The following ITGA9 variants were observed in gnomAD, a reference collection of about 807,000 sequenced individuals.
ITGA9 encodes integrin subunit alpha 9.
ITGA9 carries 56 observed loss-of-function variants against 127.8 expected under a neutral mutation model. That is an observed-to-expected ratio of 0.44 (90% CI 0.35 to 0.55). ITGA9 has a LOEUF of 0.55. Among genes scored for constraint, ITGA9 ranks in the 20% least tolerant of loss-of-function variants. The probability of loss-of-function intolerance (pLI) is 0.00; values close to 1 mark genes in which losing one functional copy is unlikely to be tolerated. For missense variants in ITGA9, 1,196 were observed against 1,347.1 expected, an observed-to-expected ratio of 0.89 and a Z score of 1.76; for synonymous variants, 508 against 514.5, an observed-to-expected ratio of 0.99 and a Z score of 0.17.
rs747519988 is a variant in ITGA9 at position 37,526,071 on chromosome 3, G to A, written c.1373G>A (p.Arg458Lys). ...AFMSDSVVLL[R>K]ARPVITVDVS... ...ATGTCCGACAGCGTGGTTCTTCTCA[G>A]GTGAGAGGCCCCACTCTTGCTCCTT... is the stretch of plus-strand genomic sequence containing the variant. The change falls in exon 13 of 28, where the codon AGA (arginine) becomes AAA (lysine). Residue 458 changes from arginine (R) to lysine (K), a missense_variant and splice_region_variant. By Grantham distance (26) the Arg-to-Lys change is conservative. Coordinates refer to ENST00000264741, the MANE Select transcript of ITGA9 (RefSeq NM_002207.3). 4 of 1,613,546 alleles carry A rather than the reference G, an allele frequency of 2.5e-6. No homozygotes were observed. The South Asian group carries it at 4.4e-5, about 18-fold the overall frequency.
intron 1 of ITGA9, among the ~76,000 whole-genome samples, chr3:37,456,617 T>G (rs1390938007): frequency 6.6e-6 from 1 of 152,092 alleles, no homozygotes; most frequent in South Asian, 2.1e-4. Context: ...TGCTTCCTGC[T>G]CCCTCTCCTG....
chr3:37,569,483 G>A (rs1470876522), intron 15 of ITGA9, among the ~76,000 whole-genome samples: 1 of 152,204 alleles, frequency 6.6e-6, no homozygotes, highest in Non-Finnish European at 1.5e-5. Context: ...TGGCCTTTAT[G>A]TGTAAAGGAG....
intron 13 of ITGA9, among the ~76,000 whole-genome samples, chr3:37,532,364 G>A (rs554539244): frequency 6.6e-6 from 1 of 152,142 alleles, no homozygotes; most frequent in Non-Finnish European, 1.5e-5. Flanking sequence ...ATTCCCATCC[G>A]CCCTATCACC....
At chr3:37,758,074 A>G (rs1696675835) in intron 23 of ITGA9, among the ~76,000 whole-genome samples, 1 of 151,592 alleles carries the variant, frequency 6.6e-6, no homozygotes, top group African/African-American at 2.4e-5. Flanking sequence ...CTGTAATCCC[A>G]GCACTTTGGG....
intron 15 of ITGA9, among the ~76,000 whole-genome samples, chr3:37,574,355 G>A (rs1190738341): frequency 6.6e-6 from 1 of 152,206 alleles, no homozygotes. Context: ...TCCAGGTTAA[G>A]TAGAGAGTAA....
intron 15 of ITGA9, among the ~76,000 whole-genome samples, chr3:37,615,289 A>G (rs1177081316): frequency 6.6e-6 from 1 of 152,154 alleles, no homozygotes; most frequent in Non-Finnish European, 1.5e-5. Context: ...CGTATGTTGA[A>G]CCAGCCTTGC....
At chr3:37,762,791 C>T (rs145979295) in intron 23 of ITGA9, among the ~76,000 whole-genome samples, 6 of 152,316 alleles carry the variant, frequency 3.9e-5, no homozygotes, top group Admixed American at 6.5e-5. Context: ...TGTCTGGGTG[C>T]GTAGCTGTCC....
intron 23 of ITGA9, among the ~76,000 whole-genome samples, chr3:37,759,872 C>G (rs1053174523): frequency 2.7e-5 from 4 of 149,110 alleles, no homozygotes; most frequent in Non-Finnish European, 5.9e-5. Flanking sequence ...CCACTGCACT[C>G]CAGCCTGAAT....
At chr3:37,770,326 A>T (rs965629320) in intron 23 of ITGA9, among the ~76,000 whole-genome samples, 8 of 152,146 alleles carry the variant, frequency 5.3e-5, no homozygotes, top group Non-Finnish European at 8.8e-5. Flanking sequence ...ATTTCCCAGG[A>T]TGATGTGCTT....
rs376968872 is a variant in ITGA9 at position 37,727,367 on chromosome 3, G to A, written c.2068-5345G>A. Among the ~76,000 whole-genome samples, 32 of 152,198 alleles carry A rather than the reference G, an allele frequency of 2.1e-4. No individual in the cohort carries two copies. The South Asian group carries it at 6.4e-3, about 31-fold the overall frequency. ...CGTCTTTGCCAGACAAGGAAAAGTG[G>A]GACTGGGGAAAAGGCCAGTTATGTG... is the stretch of plus-strand genomic sequence containing the variant. On this transcript the variant is annotated intron_variant, in intron 18 of 27. Coordinates refer to ENST00000264741, the MANE Select transcript of ITGA9 (RefSeq NM_002207.3).
chr3:37,768,583 G>T (rs1464435480), intron 23 of ITGA9, among the ~76,000 whole-genome samples: 2 of 152,138 alleles, frequency 1.3e-5, no homozygotes, highest in Non-Finnish European at 1.5e-5. Context: ...GTCAGGGGGT[G>T]GGTCATGTTT....
chr3:37,559,283 CA>C (rs1699462642), intron 15 of ITGA9, among the ~76,000 whole-genome samples: 1 of 152,122 alleles, frequency 6.6e-6, no homozygotes, highest in Non-Finnish European at 1.5e-5. Flanking sequence ...AGCACACACA[CA>C]CACACACACA....
At chr3:37,735,239 T>G (rs1230077053) in intron 19 of ITGA9, among the ~76,000 whole-genome samples, 4 of 152,204 alleles carry the variant, frequency 2.6e-5, no homozygotes, top group Admixed American at 6.5e-5. Context: ...TTAATTTAAT[T>G]CAGATCTCCT....
At chr3:37,490,421 C>T (rs1261868347) in intron 4 of ITGA9, among the ~76,000 whole-genome samples, 1 of 152,088 alleles carries the variant, frequency 6.6e-6, no homozygotes, top group Non-Finnish European at 1.5e-5. Context: ...TATTTTTCCC[C>T]CAGTATTTTA....
In ITGA9 at chr3:37,525,969, C is replaced by T. The variant is rs149548004; in HGVS notation, c.1328-57C>T. 678 of 1,465,606 alleles carry T rather than the reference C, an allele frequency of 4.6e-4. 4 individuals carry two copies. In the African/African-American group the frequency reaches 8.4e-3, roughly 18 times the overall value. The allele number at this position is 1,465,606 out of a possible 1,614,324, so 90.8% of individuals were successfully genotyped here. ...CATCCTTGTGAGCGCATTCCCAGGG[C>T]GCGGTTGTGTATGGGCTTCAGCAAG... On this transcript the variant is annotated intron_variant, in intron 12 of 27. Transcript: ENST00000264741.
At chr3:37,627,596 C>T (rs1700188860) in intron 15 of ITGA9, among the ~76,000 whole-genome samples, 1 of 152,210 alleles carries the variant, frequency 6.6e-6, no homozygotes, top group Admixed American at 6.5e-5. Flanking sequence ...CTTTGTTTAA[C>T]TTGGTGTCCC....
intron 4 of ITGA9, among the ~76,000 whole-genome samples, chr3:37,485,784 C>A (rs1698603945): frequency 6.6e-6 from 1 of 152,084 alleles, no homozygotes; most frequent in African/African-American, 2.4e-5. Flanking sequence ...ACCAGAATAT[C>A]CTGTTGGAAC....
intron 15 of ITGA9, among the ~76,000 whole-genome samples, chr3:37,559,305 A>C (rs1451849749): frequency 6.6e-6 from 1 of 152,122 alleles, no homozygotes; most frequent in Non-Finnish European, 1.5e-5. Flanking sequence ...TATACACCCC[A>C]TAACCATTTT....
chr3:37,656,806 A>C (rs140066993), intron 17 of ITGA9, among the ~76,000 whole-genome samples: 6,581 of 151,880 alleles, frequency 0.043, 171 homozygotes, highest in African/African-American at 0.052. Flanking sequence ...TTGCCCATTC[A>C]GTATGATATT....
Sources: gnomAD v4.1 joint callset for allele counts (sites outside exome capture counted in the v4.1 genomes callset) on GRCh38, gnomAD v4.1.1 for gene constraint, MANE v1.5 for transcripts, NCBI Gene and HGNC (gene_info 2026-07-23, HGNC 2026-07-21) for gene names.